Variants in PIWIL4 observed in about 807,000 individuals in gnomAD.
PIWIL4 encodes the protein piwi like RNA-mediated gene silencing 4, also known as piwi-like protein 4.
Under a neutral mutation model 100.9 loss-of-function variants are expected in PIWIL4, and 50 were observed. That is an observed-to-expected ratio of 0.50 (90% CI 0.39 to 0.63). PIWIL4 has a LOEUF of 0.63. Among genes scored for constraint, PIWIL4 ranks in the 20% least tolerant of loss-of-function variants. The pLI, the probability that PIWIL4 is intolerant of heterozygous loss-of-function variation, is 0.00. For missense variants in PIWIL4, 887 were observed against 1,043.3 expected, an observed-to-expected ratio of 0.85 and a Z score of 2.06; for synonymous variants, 342 against 367.5, an observed-to-expected ratio of 0.93 and a Z score of 0.79.
intron 17 of PIWIL4, among the ~76,000 whole-genome samples, chr11:94,619,310 T>C (rs965457647): frequency 6.6e-6 from 1 of 152,184 alleles, no homozygotes; most frequent in East Asian, 1.9e-4. Flanking sequence ...GCATGAGTTT[T>C]GTGTAATACA....
At chr11:94,584,681 G>GT (rs1948374262) in intron 5 of PIWIL4, among the ~76,000 whole-genome samples, 1 of 152,154 alleles carries the variant, frequency 6.6e-6, no homozygotes, top group Non-Finnish European at 1.5e-5. Flanking sequence ...CCCCCATGTA[G>GT]GTCAAATTCC....
At chr11:94,610,703 T>G (rs141568479) in intron 15 of PIWIL4, among the ~76,000 whole-genome samples, 37 of 152,274 alleles carry the variant, frequency 2.4e-4, no homozygotes, top group Non-Finnish European at 4.6e-4. Context: ...GTTCTTCATA[T>G]ATTTTGGATA....
chr11:94,597,987 A>G lies in PIWIL4; in HGVS notation c.1380+72A>G, dbSNP rs186320359. Reference sequence around the variant, plus strand: ...TGTGTAAGTTTTGTGCATTGGCCAGAGTGGCTTGTGTGCTTATAATATTTG... The same window carrying G: ...TGTGTAAGTTTTGTGCATTGGCCAGGGTGGCTTGTGTGCTTATAATATTTG... On this transcript the variant is annotated intron_variant, in intron 11 of 19. Transcript: ENST00000299001. The G allele has an allele frequency of 7.3e-4, 863 of 1,180,936 alleles. 14 individuals carry two copies. The East Asian group carries it at 0.013, about 18-fold the overall frequency. The allele number at this position is 1,180,936 out of a possible 1,614,324, so 73.2% of individuals were successfully genotyped here.
At chr11:94,581,798 C>A (rs1207172478) in intron 4 of PIWIL4, among the ~76,000 whole-genome samples, 1 of 152,226 alleles carries the variant, frequency 6.6e-6, no homozygotes, top group Non-Finnish European at 1.5e-5. Flanking sequence ...TTAATCGTCA[C>A]AACCCTGTGA....
rs372125531 is a variant in PIWIL4, at chr11:94,585,480, G to A, written c.671G>A (p.Arg224Gln). ...AAGTTGTCCATGTACCAAATTGGAC[G>A]GAACTTCTATAATCCTTCAGAGCCA... Reference protein sequence around the residue: ...LKKLSMYQIGRNFYNPSEPME... With the variant: ...LKKLSMYQIGQNFYNPSEPME... The change falls in exon 6 of 20, where the codon CGG (arginine) becomes CAG (glutamine). Residue 224 changes from arginine to glutamine, a missense_variant. Coordinates refer to ENST00000299001, the MANE Select transcript of PIWIL4 (RefSeq NM_152431.3). 1.6e-5 allele frequency: 26 copies of A among 1,609,948 alleles called. No homozygotes were observed. Among genetic ancestry groups the A allele is most frequent in the African/African-American group, 4.0e-5 (3 of 74,680 alleles).
intron 7 of PIWIL4, among the ~76,000 whole-genome samples, chr11:94,588,188 A>G (rs1948431362): frequency 6.9e-6 from 1 of 144,852 alleles, no homozygotes; most frequent in African/African-American, 2.6e-5. Context: ...TTCAGCTCCC[A>G]CTTATAAGTG....
At chr11:94,579,218 T>C (rs1468280996) in intron 4 of PIWIL4, among the ~76,000 whole-genome samples, 1 of 152,226 alleles carries the variant, frequency 6.6e-6, no homozygotes, top group Non-Finnish European at 1.5e-5. Flanking sequence ...TTTAACTACT[T>C]GCTCGATCAT....
chr11:94,584,413 T>C (rs957479581), intron 5 of PIWIL4, among the ~76,000 whole-genome samples: 5 of 152,180 alleles, frequency 3.3e-5, no homozygotes, highest in Non-Finnish European at 7.3e-5. Flanking sequence ...CAGTCAGATG[T>C]CTTGTCCAGC....
intron 5 of PIWIL4, 72 bp downstream of exon 5, chr11:94,583,641 A>C: frequency 6.3e-7 from 1 of 1,582,984 alleles, no homozygotes; most frequent in Non-Finnish European, 8.6e-7. Context: ...GTATTAAAAT[A>C]ATCGACCATT....
intron 12 of PIWIL4, 58 bp downstream of exon 12, chr11:94,602,037 A>G: frequency 6.8e-7 from 1 of 1,464,900 alleles, no homozygotes; most frequent in Non-Finnish European, 9.2e-7. Flanking sequence ...AAGGTAGGGA[A>G]TAATGGCAGA....
At chr11:94,602,993 G>T (rs980198008) in intron 12 of PIWIL4, among the ~76,000 whole-genome samples, 4 of 152,188 alleles carry the variant, frequency 2.6e-5, no homozygotes, top group Non-Finnish European at 4.4e-5. Context: ...CCATTGCTAT[G>T]TTCTGTCCTT....
chr11:94,604,900 C>G (rs1375049985), intron 13 of PIWIL4, among the ~76,000 whole-genome samples: 2 of 152,172 alleles, frequency 1.3e-5, no homozygotes, highest in Non-Finnish European at 2.9e-5. Flanking sequence ...TTATATGAAA[C>G]AGAGAATTCT....
At position 94,618,063 on chromosome 11, in the gene PIWIL4, C is replaced by A; in HGVS notation, c.2124C>A (p.Val708=). ...GQLKTLIEYE[V]PQLLSSVAES... is the part of the protein sequence containing the mutation. Reference sequence around the variant, plus strand: ...TGAAAACACTTATTGAATATGAAGTCCCACAGCTGCTGAGCAGTGTGGCAG... The same window carrying A: ...TGAAAACACTTATTGAATATGAAGTACCACAGCTGCTGAGCAGTGTGGCAG... Residue 708 remains valine (V), a synonymous_variant, in exon 17 of 20, where the codon GTC becomes GTA. Coordinates refer to ENST00000299001, the MANE Select transcript of PIWIL4 (RefSeq NM_152431.3). 6.2e-7 allele frequency: 1 copy of A among 1,601,404 alleles called. No homozygotes were observed. Among genetic ancestry groups the A allele is most frequent in the South Asian group, 1.1e-5 (1 of 89,420 alleles).
Position 94,577,809 on chromosome 11 carries a change from A to G in PIWIL4, c.513+317A>G, listed in dbSNP as rs139933537. On this transcript the variant is annotated intron_variant, in intron 4 of 19. Coordinates refer to ENST00000299001, the MANE Select transcript of PIWIL4 (RefSeq NM_152431.3). ...ATGGGTGCCCTTTACATTGTTTTAT[A>G]TTTTAAGATTATAAAACAAAAAAAG... Among the ~76,000 whole-genome samples the G allele has an allele frequency of 4.1e-4, 62 of 152,278 alleles. 1 individual carries two copies. In the Middle Eastern group the frequency reaches 0.01, roughly 25 times the overall value.
At chr11:94,578,246 G>C (rs1211195340) in intron 4 of PIWIL4, among the ~76,000 whole-genome samples, 2 of 152,114 alleles carry the variant, frequency 1.3e-5, no homozygotes, top group Non-Finnish European at 2.9e-5. Context: ...AATGCTTCAG[G>C]ATCTTAATAC....
chr11:94,579,444 A>G (rs1033303145), intron 4 of PIWIL4, among the ~76,000 whole-genome samples: 11 of 152,300 alleles, frequency 7.2e-5, no homozygotes, highest in African/African-American at 2.6e-4. Flanking sequence ...TCTGTGTGAA[A>G]AATTAAAACA....
At chr11:94,593,814 C>T (rs7120907) in intron 9 of PIWIL4, among the ~76,000 whole-genome samples, 173 bp downstream of exon 9, 79,406 of 151,968 alleles carry the variant, frequency 0.52, 22,973 homozygotes, top group African/African-American at 0.79. Context: ...GGAATCGATT[C>T]CCTTTATCTC....
At chr11:94,594,841 C>T (rs1317779246) in intron 9 of PIWIL4, among the ~76,000 whole-genome samples, 1 of 152,112 alleles carries the variant, frequency 6.6e-6, no homozygotes, top group Non-Finnish European at 1.5e-5. Flanking sequence ...CTAAGGGGTG[C>T]TCATTCTTAA....
At chr11:94,607,989 C>T (rs532222911) in intron 14 of PIWIL4, among the ~76,000 whole-genome samples, 5 of 152,270 alleles carry the variant, frequency 3.3e-5, no homozygotes, top group African/African-American at 9.6e-5. Flanking sequence ...GCCTGGGGAG[C>T]TGGCATAGCC....
Sources: allele counts gnomAD v4.1 joint callset (sites outside exome capture counted in the v4.1 genomes callset), GRCh38; gene constraint gnomAD v4.1.1; transcripts MANE v1.5; gene names NCBI Gene and HGNC (gene_info 2026-07-23, HGNC 2026-07-21).